The following PPP1R16B variants were observed in gnomAD, a reference collection of about 807,000 sequenced individuals.
The protein encoded by PPP1R16B is protein phosphatase 1 regulatory inhibitor subunit 16B.
Under a neutral mutation model 61.7 loss-of-function variants are expected in PPP1R16B, and 14 were observed. The observed-to-expected ratio is 0.23, with a 90% CI of 0.15 to 0.35. PPP1R16B has a LOEUF of 0.35. Ranked by LOEUF, PPP1R16B falls within the 10% of genes least tolerant of loss-of-function variation. The probability of loss-of-function intolerance (pLI) is 1.00; values close to 1 mark genes in which losing one functional copy is unlikely to be tolerated. For missense variants in PPP1R16B, 547 were observed against 752.5 expected, an observed-to-expected ratio of 0.73 and a Z score of 3.19; for synonymous variants, 266 against 305.3, an observed-to-expected ratio of 0.87 and a Z score of 1.34.
intron 2 of PPP1R16B, among the ~76,000 whole-genome samples, chr20:38,876,445 G>A (rs564603959): frequency 2.6e-5 from 4 of 152,144 alleles, no homozygotes; most frequent in South Asian, 2.1e-4. Flanking sequence ...ACAAGGGAGC[G>A]TGTGTTCCAA....
intron 2 of PPP1R16B, among the ~76,000 whole-genome samples, chr20:38,836,535 T>A (rs530214674): frequency 2.0e-5 from 3 of 152,120 alleles, no homozygotes; most frequent in East Asian, 1.9e-4. Context: ...ACAAAAAAAA[T>A]TTGTAGAGAT....
intron 1 of PPP1R16B, among the ~76,000 whole-genome samples, chr20:38,824,989 G>C (rs1241332637): frequency 6.6e-6 from 1 of 152,198 alleles, no homozygotes; most frequent in African/African-American, 2.4e-5. Context: ...GTGGGACTCT[G>C]TATCCAAAAA....
intron 3 of PPP1R16B, among the ~76,000 whole-genome samples, chr20:38,893,575 A>AGGGGGAGGAG: frequency 2.4e-5 from 3 of 125,242 alleles, no homozygotes. Context: ...GAAGGGAGGA[A>AGGGGGAGGAG]GTGGGAGGAG....
intron 1 of PPP1R16B, among the ~76,000 whole-genome samples, chr20:38,824,735 A>T (rs928762004): frequency 1.3e-5 from 2 of 152,234 alleles, no homozygotes; most frequent in Non-Finnish European, 2.9e-5. Flanking sequence ...AGTTTTTAAA[A>T]ATTCCCATCC....
chr20:38,805,980 C>T (rs980737030), intron 1 of PPP1R16B, among the ~76,000 whole-genome samples, 188 bp downstream of exon 1: 42 of 152,000 alleles, frequency 2.8e-4, no homozygotes, highest in Non-Finnish European at 3.5e-4. Context: ...GTACCGAGAG[C>T]GCTAGGTCCG....
At chr20:38,838,723 C>CA (rs1225454396) in intron 2 of PPP1R16B, among the ~76,000 whole-genome samples, 2 of 152,212 alleles carry the variant, frequency 1.3e-5, no homozygotes, top group African/African-American at 4.8e-5. Context: ...GACAAAGCCC[C>CA]ATTGCCCCTC....
chr20:38,878,851 A>G (rs73114239), intron 2 of PPP1R16B, among the ~76,000 whole-genome samples: 5 of 152,056 alleles, frequency 3.3e-5, no homozygotes, highest in Admixed American at 3.3e-4. Flanking sequence ...TATAAAGTAA[A>G]TGGACTATTT....
At chr20:38,909,670 G>A (rs893869728) in intron 10 of PPP1R16B, among the ~76,000 whole-genome samples, 1 of 152,218 alleles carries the variant, frequency 6.6e-6, no homozygotes, top group Non-Finnish European at 1.5e-5. Flanking sequence ...ATTAGCTACC[G>A]AGCATGCCCA....
intron 10 of PPP1R16B, among the ~76,000 whole-genome samples, chr20:38,908,408 G>A (rs2085463815): frequency 6.6e-6 from 1 of 152,326 alleles, no homozygotes; most frequent in Admixed American, 6.5e-5. Context: ...GGAGGTGATC[G>A]GGGAGTGTGT....
chr20:38,905,611 C>A (rs1281414339), intron 6 of PPP1R16B, among the ~76,000 whole-genome samples: 1 of 152,196 alleles, frequency 6.6e-6, no homozygotes, highest in African/African-American at 2.4e-5. Flanking sequence ...CAGGCTCCAT[C>A]TTTTAAAGGA....
chr20:38,814,236 T>C (rs2084720790), intron 1 of PPP1R16B, among the ~76,000 whole-genome samples: 1 of 152,226 alleles, frequency 6.6e-6, no homozygotes, highest in Non-Finnish European at 1.5e-5. Context: ...AAAGTCCTTG[T>C]ACTGAATCAT....
intron 2 of PPP1R16B, among the ~76,000 whole-genome samples, chr20:38,869,090 A>C (rs942822995): frequency 6.6e-6 from 1 of 152,064 alleles, no homozygotes; most frequent in African/African-American, 2.4e-5. Flanking sequence ...TTCCCCACTA[A>C]AGGCTATTTT....
At position 38,895,581 on chromosome 20, in the gene PPP1R16B, T is replaced by C; in HGVS notation, c.338T>C (p.Phe113Ser). The change falls in exon 4 of 11, where the codon TTT becomes TCT. Residue 113 changes from phenylalanine (F) to serine (S), a missense_variant. By Grantham distance (155) the Phe-to-Ser change is radical. Coordinates refer to ENST00000299824, the MANE Select transcript of PPP1R16B (RefSeq NM_015568.4). ...TALHQCCIDN[F>S]EEIVKLLLSH... ...CTCTCCCAGTGCTGCATCGACAACT[T>C]TGAGGAAATTGTGAAGCTGCTCCTC... The C allele has an allele frequency of 6.2e-7, 1 of 1,613,906 alleles. No individual in the cohort carries two copies. The highest frequency in any genetic ancestry group is 8.5e-7 in the Non-Finnish European group (1 of 1,179,812).
intron 2 of PPP1R16B, among the ~76,000 whole-genome samples, chr20:38,887,320 G>A (rs1260615310): frequency 1.3e-5 from 2 of 152,192 alleles, no homozygotes; most frequent in East Asian, 3.8e-4. Context: ...GTTGTGTACT[G>A]GACAGCTCCA....
chr20:38,860,666 G>A (rs2085043185), intron 2 of PPP1R16B, among the ~76,000 whole-genome samples: 2 of 152,212 alleles, frequency 1.3e-5, no homozygotes, highest in Non-Finnish European at 2.9e-5. Flanking sequence ...GACTGGAACA[G>A]CATCTAGCTT....
chr20:38,862,811 C>T (rs888313289), intron 2 of PPP1R16B, among the ~76,000 whole-genome samples: 1 of 152,236 alleles, frequency 6.6e-6, no homozygotes, highest in African/African-American at 2.4e-5. Flanking sequence ...CTCTCCTGCC[C>T]ACTCCAGATT....
chr20:38,892,278 G>T (rs1475207141), intron 3 of PPP1R16B, among the ~76,000 whole-genome samples: 1 of 152,038 alleles, frequency 6.6e-6, no homozygotes, highest in East Asian at 1.9e-4. Flanking sequence ...CTTCTTCCTT[G>T]TTGGTCACAT....
At chr20:38,841,529 A>G (rs962086026) in intron 2 of PPP1R16B, among the ~76,000 whole-genome samples, 3 of 152,168 alleles carry the variant, frequency 2.0e-5, no homozygotes, top group African/African-American at 7.2e-5. Context: ...CCCCATCTCA[A>G]AAACAAACAG....
At chr20:38,858,399 G>T (rs1214957711) in intron 2 of PPP1R16B, among the ~76,000 whole-genome samples, 1 of 152,094 alleles carries the variant, frequency 6.6e-6, no homozygotes, top group Non-Finnish European at 1.5e-5. Context: ...CATTCCCGTG[G>T]CCTGGCTGCA....
Sources: gnomAD v4.1 joint callset for allele counts (sites outside exome capture counted in the v4.1 genomes callset) on GRCh38, gnomAD v4.1.1 for gene constraint, MANE v1.5 for transcripts, NCBI Gene and HGNC (gene_info 2026-07-23, HGNC 2026-07-21) for gene names.